CADPS: variants seen among roughly 807,000 people sequenced by gnomAD.
CADPS encodes the protein calcium-dependent secretion activator 1.
CADPS carries 57 observed loss-of-function variants against 167.3 expected under a neutral mutation model. The observed-to-expected ratio is 0.34, with a 90% CI of 0.28 to 0.42. CADPS has a LOEUF of 0.42. CADPS is among the 20% of genes least tolerant of loss of function. The pLI, the probability that CADPS is intolerant of heterozygous loss-of-function variation, is 1.00. For missense variants in CADPS, 1,414 were observed against 1,738.1 expected, an observed-to-expected ratio of 0.81 and a Z score of 3.32; for synonymous variants, 676 against 635.3, an observed-to-expected ratio of 1.06 and a Z score of -0.96.
intron 1 of CADPS, among the ~76,000 whole-genome samples, chr3:62,859,862 C>T (rs1164276045): frequency 1.3e-5 from 2 of 152,188 alleles, no homozygotes; most frequent in East Asian, 3.8e-4. Flanking sequence ...AAACACATCA[C>T]TTCAAGACAA....
At chr3:62,592,601 C>G (rs1488791618) in intron 7 of CADPS, 36 bp downstream of exon 7, 3 of 1,520,220 alleles carry the variant, frequency 2.0e-6, no homozygotes, top group South Asian at 2.3e-5. Context: ...GGGAAATCCT[C>G]TCTGTGGAGT....
chr3:62,652,861 A>T (rs1293050991), intron 4 of CADPS, among the ~76,000 whole-genome samples: 3 of 152,076 alleles, frequency 2.0e-5, no homozygotes, highest in Non-Finnish European at 2.9e-5. Flanking sequence ...TCTTTCAGTA[A>T]TTCCCCCACC....
At chr3:62,784,678 G>A (rs947210813) in intron 1 of CADPS, among the ~76,000 whole-genome samples, 2 of 150,956 alleles carry the variant, frequency 1.3e-5, no homozygotes, top group African/African-American at 4.9e-5. Context: ...AATACCAACG[G>A]GTGTAACCAG....
intron 3 of CADPS, among the ~76,000 whole-genome samples, chr3:62,727,094 T>C (rs1171788403): frequency 6.6e-6 from 1 of 151,866 alleles, no homozygotes; most frequent in African/African-American, 2.4e-5. Flanking sequence ...TTTATAGATA[T>C]CTAGATATCT....
Position 62,494,232 on chromosome 3 carries a change from C to T in CADPS, c.2707-567G>A, listed in dbSNP as rs541938075. 2.0e-5 allele frequency among the ~76,000 whole-genome samples: 3 copies of T among 152,268 alleles called. No individual in the cohort carries two copies. In the East Asian group the frequency reaches 5.8e-4, roughly 29 times the overall value. On this transcript the variant is annotated intron_variant, in intron 18 of 29. Coordinates refer to ENST00000383710, the MANE Select transcript of CADPS (RefSeq NM_003716.4). ...AGTTTCACCACCTGCAGATGAGAGC[C>T]CTGGGGTTTAGGGCTTACTCCACTG...
At chr3:62,794,933 G>A (rs1445209632) in intron 1 of CADPS, among the ~76,000 whole-genome samples, 1 of 151,972 alleles carries the variant, frequency 6.6e-6, no homozygotes, top group Non-Finnish European at 1.5e-5. Flanking sequence ...CCTGTGGCGG[G>A]CTCTCATTCA....
chr3:62,461,093 C>T (rs1344844866), intron 26 of CADPS, among the ~76,000 whole-genome samples: 3 of 152,118 alleles, frequency 2.0e-5, no homozygotes, highest in East Asian at 1.9e-4. Context: ...GAAGAATTCA[C>T]GTGAGCTGGG....
chr3:62,537,517 A>G (rs907201039), intron 11 of CADPS, among the ~76,000 whole-genome samples: 4 of 152,222 alleles, frequency 2.6e-5, no homozygotes, highest in Non-Finnish European at 4.4e-5. Context: ...ACTCCACCTC[A>G]TCTTTACTGA....
chr3:62,528,051 T>C (rs758366438), intron 13 of CADPS, among the ~76,000 whole-genome samples: 22 of 152,172 alleles, frequency 1.4e-4, no homozygotes, highest in Non-Finnish European at 2.1e-4. Context: ...AAAGCTAAAA[T>C]CTCCAGGTAG....
chr3:62,850,525 T>G (rs999486718), intron 1 of CADPS, among the ~76,000 whole-genome samples: 2 of 127,994 alleles, frequency 1.6e-5, no homozygotes, highest in Non-Finnish European at 3.5e-5. Flanking sequence ...CTTCATTTCG[T>G]TATGTACCCA....
chr3:62,676,656 G>A (rs1027476618), intron 3 of CADPS, among the ~76,000 whole-genome samples: 2 of 152,128 alleles, frequency 1.3e-5, no homozygotes, highest in Non-Finnish European at 2.9e-5. Context: ...TTTAAGTCCT[G>A]CAGGCGTTTT....
At chr3:62,525,323 T>C (rs1332366878) in intron 13 of CADPS, among the ~76,000 whole-genome samples, 12 of 152,168 alleles carry the variant, frequency 7.9e-5, no homozygotes, top group Non-Finnish European at 1.8e-4. Flanking sequence ...TGCCTACTTA[T>C]ACGTAAAATT....
intron 6 of CADPS, among the ~76,000 whole-genome samples, chr3:62,627,693 G>T (rs1427852536): frequency 6.6e-6 from 1 of 151,890 alleles, no homozygotes; most frequent in Non-Finnish European, 1.5e-5. Flanking sequence ...AAGCTGTTAA[G>T]AATCTATATA....
intron 8 of CADPS, among the ~76,000 whole-genome samples, chr3:62,579,237 G>T (rs1255059621): frequency 1.3e-5 from 2 of 152,164 alleles, no homozygotes; most frequent in Non-Finnish European, 2.9e-5. Context: ...TGTGGACCGA[G>T]CTCTAATGCT....
chr3:62,451,394 T>C (rs7635752), intron 26 of CADPS, among the ~76,000 whole-genome samples: 111,345 of 151,674 alleles, frequency 0.73, 41,376 homozygotes, highest in Middle Eastern at 0.81. Flanking sequence ...AACCACTTCT[T>C]TTGCTTCATT....
intron 1 of CADPS, among the ~76,000 whole-genome samples, chr3:62,782,893 G>T (rs1228048137): frequency 6.6e-6 from 1 of 151,742 alleles, no homozygotes; most frequent in African/African-American, 2.4e-5. Context: ...TCAAGTAGCT[G>T]GGATTACAGG....
intron 3 of CADPS, among the ~76,000 whole-genome samples, chr3:62,744,061 T>C (rs1431540715): frequency 1.3e-5 from 2 of 152,196 alleles, no homozygotes; most frequent in Non-Finnish European, 2.9e-5. Context: ...TGACTGGCTG[T>C]ATGACCTTGG....
At chr3:62,527,811 AT>A (rs2072675313) in intron 13 of CADPS, among the ~76,000 whole-genome samples, 1 of 152,124 alleles carries the variant, frequency 6.6e-6, no homozygotes, top group Non-Finnish European at 1.5e-5. Flanking sequence ...CTCAGTGGAA[AT>A]GGGCTCTATT....
chr3:62,505,593 T>C (rs948769179), intron 17 of CADPS, among the ~76,000 whole-genome samples: 2 of 152,182 alleles, frequency 1.3e-5, no homozygotes, highest in African/African-American at 4.8e-5. Context: ...CATGCAGCAG[T>C]CAGAGTGATC....
Sources: allele counts gnomAD v4.1 joint callset (sites outside exome capture counted in the v4.1 genomes callset), GRCh38; gene constraint gnomAD v4.1.1; transcripts MANE v1.5; gene names NCBI Gene and HGNC (gene_info 2026-07-23, HGNC 2026-07-21).